The following WBP1L variants were observed in gnomAD, a reference collection of about 807,000 sequenced individuals.
WBP1L encodes the protein WW domain binding protein 1 like.
WBP1L carries 17 observed loss-of-function variants against 33.7 expected under a neutral mutation model. The observed-to-expected ratio is 0.50, with a 90% CI of 0.34 to 0.76. The LOEUF is 0.76. Among genes scored for constraint, WBP1L ranks in the 30% least tolerant of loss-of-function variants. The pLI, the probability that WBP1L is intolerant of heterozygous loss-of-function variation, is 0.01. For synonymous variants in WBP1L, 173 were observed against 190.8 expected, an observed-to-expected ratio of 0.91 and a Z score of 0.77; for missense variants, 389 against 469.4, an observed-to-expected ratio of 0.83 and a Z score of 1.58.
At chr10:102,772,761 G>A (rs1223243440) in intron 1 of WBP1L, among the ~76,000 whole-genome samples, 1 of 150,390 alleles carries the variant, frequency 6.6e-6, no homozygotes, top group Non-Finnish European at 1.5e-5. Context: ...GTAGAGATGG[G>A]GTTTTGCCAT....
At chr10:102,760,376 CTTTTT>C (rs71019612) in intron 1 of WBP1L, among the ~76,000 whole-genome samples, 1 of 96,212 alleles carries the variant, frequency 1.0e-5, no homozygotes, top group African/African-American at 5.5e-5. Context: ...TTCTTTCTTT[CTTTTT>C]TTTTTTTTTT....
chr10:102,758,386 C>T (rs891597813), intron 1 of WBP1L, among the ~76,000 whole-genome samples: 1 of 152,216 alleles, frequency 6.6e-6, no homozygotes, highest in Admixed American at 6.5e-5. Context: ...TTTCTTCCCT[C>T]CAGTCCCTGG....
At chr10:102,805,909 A>T (rs1288574877) in intron 2 of WBP1L, among the ~76,000 whole-genome samples, 2 of 143,294 alleles carry the variant, frequency 1.4e-5, no homozygotes, top group East Asian at 4.2e-4. Flanking sequence ...AAAATAAGTT[A>T]AAAAAAATTG....
chr10:102,797,622 G>A (rs1052362804), intron 1 of WBP1L, among the ~76,000 whole-genome samples: 1 of 151,854 alleles, frequency 6.6e-6, no homozygotes, highest in African/African-American at 2.4e-5. Flanking sequence ...GCGTGATCTT[G>A]GCTCACTGCA....
intron 1 of WBP1L, among the ~76,000 whole-genome samples, chr10:102,784,381 C>T (rs1203556526): frequency 4.0e-5 from 6 of 149,204 alleles, no homozygotes; most frequent in African/African-American, 1.5e-4. Flanking sequence ...CTATTTTAAT[C>T]TTAAAGTCCA....
At position 102,813,516 on chromosome 10, in the gene WBP1L, C is replaced by T; in HGVS notation, c.*185C>T. 8 of 786,670 alleles carry T rather than the reference C, an allele frequency of 1.0e-5. No individual in the cohort carries two copies. Among genetic ancestry groups the T allele is most frequent in the Non-Finnish European group, 1.6e-5 (8 of 509,282 alleles). 48.7% of individuals were successfully genotyped at this position (786,670 alleles called of 1,614,324 possible). On this transcript the variant is annotated 3_prime_UTR_variant, in exon 4 of 4. Coordinates refer to ENST00000448841, the MANE Select transcript of WBP1L (RefSeq NM_001083913.2). ...GGTACAGTTCGGGGTGTGGATGCCTCTTCCTCCACAAGGGCACAGTGTTGT... is the reference window on the plus strand; with the variant it reads ...GGTACAGTTCGGGGTGTGGATGCCTTTTCCTCCACAAGGGCACAGTGTTGT...
At position 102,812,864 on chromosome 10, in the gene WBP1L, G is replaced by A. The variant is rs1348624481; in HGVS notation, c.625G>A (p.Ala209Thr). 1.9e-6 allele frequency: 3 copies of A among 1,571,212 alleles called. No homozygotes were observed. The highest frequency in any genetic ancestry group is 2.4e-5 in the South Asian group (2 of 84,548). ...CTCTGACCTACCAGTTGACCGAGCA[G>A]CCACCAAAGCCCCAGGGATGGAGCC... ...DPSDLPVDRAATKAPGMEPSG... is the reference protein window; with the variant it reads ...DPSDLPVDRATTKAPGMEPSG... Residue 209 changes from alanine (A) to threonine (T), a missense_variant, in exon 4 of 4, where the codon GCC (alanine) becomes ACC (threonine). Ala to Thr is a moderately conservative substitution (Grantham distance 58). Transcript: ENST00000448841.
chr10:102,758,893 T>G (rs1336310221), intron 1 of WBP1L, among the ~76,000 whole-genome samples: 3 of 152,180 alleles, frequency 2.0e-5, no homozygotes, highest in Non-Finnish European at 4.4e-5. Context: ...ACGTCAGCGT[T>G]TTCTTCTCTG....
At chr10:102,769,339 T>C (rs75140655) in intron 1 of WBP1L, among the ~76,000 whole-genome samples, 2,847 of 151,090 alleles carry the variant, frequency 0.019, 86 homozygotes, top group African/African-American at 0.063. Flanking sequence ...CAGCATCCCT[T>C]CTTTGTTTTC....
In WBP1L at chr10:102,744,033, A is replaced by G; in HGVS notation, c.-21A>G. 6.5e-7 allele frequency: 1 copy of G among 1,528,302 alleles called. No homozygotes were observed. Among genetic ancestry groups the G allele is most frequent in the Non-Finnish European group, 8.9e-7 (1 of 1,129,480 alleles). 94.7% of individuals were successfully genotyped at this position (1,528,302 alleles called of 1,614,324 possible). On this transcript the variant is annotated 5_prime_UTR_variant, in exon 1 of 4. Coordinates refer to ENST00000448841, the MANE Select transcript of WBP1L (RefSeq NM_001083913.2). ...GAGGGAGGTGGCGGCGCCGTGGCGG[A>G]GGAGCAGGAGCAGGAGGGGGATGGA...
intron 1 of WBP1L, among the ~76,000 whole-genome samples, chr10:102,786,378 G>A (rs540181360): frequency 2.2e-4 from 34 of 152,156 alleles, no homozygotes; most frequent in Non-Finnish European, 4.4e-4. Context: ...ACTGTTTATT[G>A]TATGTTCTTT....
At chr10:102,811,421 G>A (rs1007912724) in intron 3 of WBP1L, among the ~76,000 whole-genome samples, 1 of 152,148 alleles carries the variant, frequency 6.6e-6, no homozygotes, top group Non-Finnish European at 1.5e-5. Flanking sequence ...CCTCTCATAT[G>A]GTCAGTGGAG....
At chr10:102,759,625 A>G (rs1468839236) in intron 1 of WBP1L, among the ~76,000 whole-genome samples, 1 of 152,202 alleles carries the variant, frequency 6.6e-6, no homozygotes, top group Non-Finnish European at 1.5e-5. Context: ...ATTATGAATA[A>G]TGCTGCTGTG....
chr10:102,755,538 C>T (rs1842965147), intron 1 of WBP1L, among the ~76,000 whole-genome samples: 1 of 151,742 alleles, frequency 6.6e-6, no homozygotes, highest in Non-Finnish European at 1.5e-5. Context: ...ATTACAGGCA[C>T]ACACTACTAT....
chr10:102,775,117 C>CAA lies in WBP1L; in HGVS notation c.91-22853_91-22852dup, dbSNP rs59486422. ...TGGGTAACAGAGTGAGACCCTATCTCAAAAAAAAAAAAAAAAAAAAAAAAG... is the reference window on the plus strand; with the variant it reads ...TGGGTAACAGAGTGAGACCCTATCTCAAAAAAAAAAAAAAAAAAAAAAAAAAG... On this transcript the variant is annotated intron_variant, in intron 1 of 3. Coordinates refer to ENST00000448841, the MANE Select transcript of WBP1L (RefSeq NM_001083913.2). 3.2e-3 allele frequency among the ~76,000 whole-genome samples: 313 copies of CAA among 97,066 alleles called. 3 individuals are homozygous for CAA. The highest frequency in any genetic ancestry group is 0.014 in the East Asian group (41 of 2,938). 63.7% of individuals were successfully genotyped at this position (97,066 alleles called of 152,430 possible).
At chr10:102,810,557 TCTA>T in intron 3 of WBP1L, among the ~76,000 whole-genome samples, 3 of 65,810 alleles carry the variant, frequency 4.6e-5, no homozygotes, top group Non-Finnish European at 1.0e-4. Flanking sequence ...TCTCTCTCTC[TCTA>T]TTTCTTTTTT....
intron 1 of WBP1L, among the ~76,000 whole-genome samples, chr10:102,792,561 T>C (rs995895950): frequency 4.6e-5 from 7 of 151,664 alleles, no homozygotes; most frequent in Non-Finnish European, 8.8e-5. Context: ...TTCTTCCCTG[T>C]CCTCTTCCTA....
intron 1 of WBP1L, among the ~76,000 whole-genome samples, chr10:102,774,873 G>C (rs1843236499): frequency 6.6e-6 from 1 of 152,098 alleles, no homozygotes; most frequent in African/African-American, 2.4e-5. Context: ...CAGCACTTTA[G>C]GAGGCTAAGG....
intron 1 of WBP1L, among the ~76,000 whole-genome samples, chr10:102,749,480 A>C (rs915834784): frequency 6.6e-6 from 1 of 151,384 alleles, no homozygotes; most frequent in African/African-American, 2.4e-5. Context: ...TAATAAAAAA[A>C]ATTTTTTTTT....
Sources: gnomAD v4.1 joint callset for allele counts (sites outside exome capture counted in the v4.1 genomes callset) on GRCh38, gnomAD v4.1.1 for gene constraint, MANE v1.5 for transcripts, NCBI Gene and HGNC (gene_info 2026-07-23, HGNC 2026-07-21) for gene names.